The following DCAF8L2 variants were observed in gnomAD, a reference collection of about 807,000 sequenced individuals.
DCAF8L2 encodes DDB1 and CUL4 associated factor 8 like 2, also known as DDB1- and CUL4-associated factor 8-like protein 2.
For synonymous variants in DCAF8L2, 200 were observed against 190.9 expected, an observed-to-expected ratio of 1.05 and a Z score of -0.39; for missense variants, 430 against 490.7, an observed-to-expected ratio of 0.88 and a Z score of 1.17.
intron 3 of DCAF8L2, among the ~76,000 whole-genome samples, chrX:27,682,404 A>G (rs182739204): frequency 8.9e-6 from 1 of 112,155 alleles, no homozygotes; most frequent in African/African-American, 3.2e-5. Flanking sequence ...AGGACAACAC[A>G]AATATTGTAA....
At chrX:27,663,961 C>T (rs759403873) in intron 2 of DCAF8L2, among the ~76,000 whole-genome samples, 22 of 105,316 alleles carry the variant, frequency 2.1e-4, no homozygotes, top group Non-Finnish European at 3.7e-4. Flanking sequence ...CCACTCACCT[C>T]GGCCTCCCAA....
At position 27,664,500 on chromosome X, in the gene DCAF8L2, A is replaced by G. The variant is rs772649792; in HGVS notation, c.-219-13336A>G. On this transcript the variant is annotated intron_variant, in intron 2 of 4. Transcript: ENST00000451261. Reference sequence around the variant, plus strand: ...CATAAAAGGTGCAACATGAAGTAGCAAGTGTTGATGGAGAAGCTGCAGCAA... The same window carrying G: ...CATAAAAGGTGCAACATGAAGTAGCGAGTGTTGATGGAGAAGCTGCAGCAA... Among the ~76,000 whole-genome samples, 55 of 112,506 alleles carry G rather than the reference A, an allele frequency of 4.9e-4. 2 individuals are homozygous for G. Among genetic ancestry groups the G allele is most frequent in the Admixed American group, 9.4e-5 (1 of 10,587 alleles).
At chrX:27,651,279 G>T (rs1348953451) in intron 2 of DCAF8L2, among the ~76,000 whole-genome samples, 1 of 110,432 alleles carries the variant, frequency 9.1e-6, no homozygotes, top group African/African-American at 3.3e-5. Flanking sequence ...GTCTTCTCCA[G>T]GTTTTGGTAT....
upstream of DCAF8L2, among the ~76,000 whole-genome samples, chrX:27,588,219 T>C (rs1234737220): frequency 1.8e-5 from 2 of 109,033 alleles, no homozygotes; most frequent in East Asian, 2.9e-4. Flanking sequence ...ACTCAATGTT[T>C]AGCTCCCACT....
At chrX:27,722,223 TAAAAA>T (rs1931922563) in intron 4 of DCAF8L2, among the ~76,000 whole-genome samples, 2 of 111,605 alleles carry the variant, frequency 1.8e-5, no homozygotes, top group Non-Finnish European at 3.8e-5. Flanking sequence ...GAAAACAAAA[TAAAAA>T]TACCTTGATA....
the DCAF8L2 span, among the ~76,000 whole-genome samples, chrX:27,516,174 T>A: frequency 9.0e-6 from 1 of 111,287 alleles, no homozygotes; most frequent in Non-Finnish European, 1.9e-5. Flanking sequence ...TTACGTTATC[T>A]CCAAATTTAG....
the DCAF8L2 span, among the ~76,000 whole-genome samples, chrX:27,506,363 A>C: frequency 1.8e-5 from 2 of 111,912 alleles, no homozygotes; most frequent in Admixed American, 9.6e-5. Context: ...TTTTCTTTAC[A>C]AACAAGATTT....
At chrX:27,489,328 A>G in the DCAF8L2 span, among the ~76,000 whole-genome samples, 2 of 111,224 alleles carry the variant, frequency 1.8e-5, no homozygotes, top group East Asian at 5.8e-4. Flanking sequence ...CCATCTCCTG[A>G]CCTCGTGATC....
At chrX:27,730,196 G>A (rs1969031940) in intron 4 of DCAF8L2, among the ~76,000 whole-genome samples, 1 of 111,777 alleles carries the variant, frequency 8.9e-6, no homozygotes, top group Non-Finnish European at 1.9e-5. Flanking sequence ...GTGGTGAGAG[G>A]AGAAAAGATA....
chrX:27,548,760 A>G, the DCAF8L2 span, among the ~76,000 whole-genome samples: 1 of 112,142 alleles, frequency 8.9e-6, no homozygotes, highest in Non-Finnish European at 1.9e-5. Flanking sequence ...AACAATCACA[A>G]TAATCTCTAT....
the DCAF8L2 span, among the ~76,000 whole-genome samples, chrX:27,504,707 T>C: frequency 1.9e-4 from 21 of 111,552 alleles, no homozygotes; most frequent in Middle Eastern, 4.6e-3. Context: ...TGACTCATAG[T>C]AGCAAACAAT....
chrX:27,577,788 T>TGA, the DCAF8L2 span, among the ~76,000 whole-genome samples: 1 of 111,008 alleles, frequency 9.0e-6, no homozygotes, highest in Non-Finnish European at 1.9e-5. Context: ...ATGAATGAAC[T>TGA]CCTCTTCACA....
chrX:27,514,115 TAAAGA>T, the DCAF8L2 span, among the ~76,000 whole-genome samples: 133 of 98,690 alleles, frequency 1.3e-3, no homozygotes, highest in African/African-American at 3.6e-3. Flanking sequence ...TATAGATAAG[TAAAGA>T]AAAGTGTATA....
the DCAF8L2 span, chrX:27,519,061 C>T: frequency 9.6e-7 from 1 of 1,039,527 alleles, no homozygotes; most frequent in Non-Finnish European, 1.3e-6. Flanking sequence ...TATTGAAGTA[C>T]AACAGATGAA....
chrX:27,733,632 T>A (rs938196512), intron 4 of DCAF8L2, among the ~76,000 whole-genome samples: 1 of 111,874 alleles, frequency 8.9e-6, no homozygotes, highest in African/African-American at 3.2e-5. Context: ...TTTTCCCCCA[T>A]GTATTTTTTT....
intron 2 of DCAF8L2, among the ~76,000 whole-genome samples, chrX:27,666,357 T>A (rs1396132113): frequency 1.8e-5 from 2 of 111,931 alleles, no homozygotes; most frequent in African/African-American, 3.2e-5. Context: ...AAGGCCAATA[T>A]TATATTTGAA....
intron 4 of DCAF8L2, among the ~76,000 whole-genome samples, chrX:27,726,525 A>T (rs192689857): frequency 2.7e-5 from 3 of 110,857 alleles, no homozygotes; most frequent in Non-Finnish European, 5.7e-5. Flanking sequence ...CACCCACATA[A>T]AGCACTCAGA....
chrX:27,514,330 A>T, the DCAF8L2 span, among the ~76,000 whole-genome samples: 1 of 80,660 alleles, frequency 1.2e-5, no homozygotes, highest in Middle Eastern at 6.9e-3. Context: ...AATTTCCCTC[A>T]TTTGTCATAC....
chrX:27,696,858 TAGAG>T (rs1408587761), intron 3 of DCAF8L2, among the ~76,000 whole-genome samples: 2 of 111,188 alleles, frequency 1.8e-5, no homozygotes. Context: ...TGAAGACACT[TAGAG>T]GGAAGTTGGA....
Sources: allele counts gnomAD v4.1 joint callset (sites outside exome capture counted in the v4.1 genomes callset), GRCh38; gene constraint gnomAD v4.1.1; transcripts MANE v1.5; gene names NCBI Gene and HGNC (gene_info 2026-07-23, HGNC 2026-07-21).